Variants in LRRN3 observed in about 807,000 individuals in gnomAD.
LRRN3 encodes leucine-rich repeat neuronal protein 3.
In LRRN3, 15 loss-of-function variants were observed where a neutral mutation model predicts 40.1. That is an observed-to-expected ratio of 0.37 (90% CI 0.25 to 0.58). The LOEUF (loss-of-function observed/expected upper bound fraction) is 0.58. Ranked by LOEUF, LRRN3 falls within the 20% of genes least tolerant of loss-of-function variation. The pLI is 0.72. For missense variants in LRRN3, 746 were observed against 837.7 expected (o/e 0.89, Z 1.35); for synonymous variants, 308 against 297.2 (o/e 1.04, Z -0.37).
rs1373392070 is a variant in LRRN3, at chr7:111,124,629, A to T, written c.1857A>T (p.Lys619Asn). ...CCAAAGGTTTGCACCCTGATCAAAA[A>T]GAGTATGAAAAGAATAATACCACAA... ...VTTKGLHPDQKEYEKNNTTTL... is the reference protein window; with the variant it reads ...VTTKGLHPDQNEYEKNNTTTL... The change falls in exon 3 of 3, where the codon AAA becomes AAT. Residue 619 changes from lysine (K) to asparagine (N), a missense_variant. Coordinates refer to ENST00000308478, the MANE Select transcript of LRRN3 (RefSeq NM_001099658.2). 3 of 1,613,926 alleles carry T rather than the reference A, an allele frequency of 1.9e-6. No individual in the cohort carries two copies. Among genetic ancestry groups the T allele is most frequent in the Non-Finnish European group, 2.5e-6 (3 of 1,180,016 alleles).
intron 1 of LRRN3, among the ~76,000 whole-genome samples, chr7:111,095,676 C>A (rs1338418375): frequency 6.6e-6 from 1 of 151,988 alleles, no homozygotes; most frequent in East Asian, 1.9e-4. Flanking sequence ...TACAGAGACT[C>A]AGCTATTGAT....
At chr7:111,098,076 A>T (rs1206337781) in intron 1 of LRRN3, among the ~76,000 whole-genome samples, 1 of 151,850 alleles carries the variant, frequency 6.6e-6, no homozygotes, top group Admixed American at 6.6e-5. Context: ...AAAGATAAAC[A>T]TACTCTAAGA....
rs1801111405 is a variant in LRRN3 at position 111,124,869 on chromosome 7, T to C, written c.2097T>C (p.Thr699=). The change falls in exon 3 of 3, where the codon ACT becomes ACC. Residue 699 remains threonine, a synonymous_variant. Coordinates refer to ENST00000308478, the MANE Select transcript of LRRN3 (RefSeq NM_001099658.2). The stretch of plus-strand genomic sequence containing the variant: ...GTACATCACTGAAAGTAAAAGCAAC[T>C]GTTATAGGTTTACCAACAAATATGT... The part of the protein sequence containing the change: ...EKSTSLKVKA[T]VIGLPTNMS 6.2e-7 allele frequency: 1 copy of C among 1,602,922 alleles called. No homozygotes were observed. The highest frequency in any genetic ancestry group is 1.4e-5 in the African/African-American group (1 of 73,858).
At chr7:111,092,221 T>C (rs974562170) in intron 1 of LRRN3, among the ~76,000 whole-genome samples, 4 of 152,190 alleles carry the variant, frequency 2.6e-5, no homozygotes, top group African/African-American at 9.7e-5. Flanking sequence ...CTAATGCAGC[T>C]GGAACTGCCA....
At chr7:111,117,564 T>G (rs530315683) in intron 2 of LRRN3, among the ~76,000 whole-genome samples, 2 of 152,192 alleles carry the variant, frequency 1.3e-5, no homozygotes, top group Non-Finnish European at 2.9e-5. Context: ...ATAATTTGTT[T>G]TGAAAAACTG....
At chr7:111,121,314 C>T (rs1013069570) in intron 2 of LRRN3, among the ~76,000 whole-genome samples, 4 of 152,136 alleles carry the variant, frequency 2.6e-5, no homozygotes, top group African/African-American at 9.6e-5. Flanking sequence ...GTTGCCTGTT[C>T]GCTCTGATGG....
chr7:111,096,935 T>C (rs537575576), intron 1 of LRRN3: 1 of 152,024 alleles, frequency 6.6e-6, no homozygotes, highest in Admixed American at 6.6e-5. Context: ...CTAGGGGAGA[T>C]TGTGTCTGTC....
At position 111,123,372 on chromosome 7, in the gene LRRN3, T is replaced by C. The variant is rs750645851; in HGVS notation, c.600T>C (p.Ile200=). The change falls in exon 3 of 3, where the codon ATT becomes ATC. Residue 200 remains isoleucine (I), a synonymous_variant. Transcript: ENST00000308478. The surrounding 1 kb of genome is among the most constrained non-coding windows in gnomAD (Gnocchi z 6.4). ...LEILMIGENP[I]IRIKDMNFKP... ...TTCTGATGATTGGGGAAAATCCAAT[T>C]ATCAGAATCAAAGACATGAACTTTA... The C allele has an allele frequency of 1.1e-5, 18 of 1,613,702 alleles. No individual in the cohort carries two copies. Among genetic ancestry groups the C allele is most frequent in the Middle Eastern group, 1.7e-4 (1 of 6,054 alleles).
chr7:111,105,134 A>G (rs1174071853), intron 2 of LRRN3, among the ~76,000 whole-genome samples: 1 of 151,840 alleles, frequency 6.6e-6, no homozygotes, highest in African/African-American at 2.4e-5. Context: ...TAGACTGTAA[A>G]TATGTGTTTT....
intron 2 of LRRN3, among the ~76,000 whole-genome samples, chr7:111,119,471 T>C (rs181918414): frequency 6.6e-6 from 1 of 152,314 alleles, no homozygotes; most frequent in Non-Finnish European, 1.5e-5. Flanking sequence ...ACTGGATAAA[T>C]TGAAGAATAA....
chr7:111,104,089 A>G (rs966083974), intron 2 of LRRN3, among the ~76,000 whole-genome samples: 3 of 151,712 alleles, frequency 2.0e-5, no homozygotes, highest in African/African-American at 7.2e-5. Flanking sequence ...ACAACTCTTC[A>G]TATCTCTGAG....
chr7:111,100,567 T>G (rs1289837083), intron 2 of LRRN3, among the ~76,000 whole-genome samples: 1 of 150,550 alleles, frequency 6.6e-6, no homozygotes, highest in Non-Finnish European at 1.5e-5. Flanking sequence ...AATATAATGA[T>G]AATGAACACT....
At chr7:111,102,364 G>T (rs1445616959) in intron 2 of LRRN3, among the ~76,000 whole-genome samples, 1 of 151,436 alleles carries the variant, frequency 6.6e-6, no homozygotes, top group Non-Finnish European at 1.5e-5. Flanking sequence ...TGCCTTATCT[G>T]TGAAGGGCCC....
chr7:111,102,083 T>TAA (rs879353268), intron 2 of LRRN3, among the ~76,000 whole-genome samples: 1 of 145,302 alleles, frequency 6.9e-6, no homozygotes, highest in African/African-American at 2.5e-5. Flanking sequence ...TCAATTTCTT[T>TAA]AAAAAAAAAA....
chr7:111,112,193 C>G (rs973813941), intron 2 of LRRN3, among the ~76,000 whole-genome samples: 1 of 151,894 alleles, frequency 6.6e-6, no homozygotes, highest in Non-Finnish European at 1.5e-5. Context: ...GAACTCCTGA[C>G]CTCAGGTATA....
At chr7:111,097,958 T>TA (rs1378729660) in intron 1 of LRRN3, among the ~76,000 whole-genome samples, 1 of 151,686 alleles carries the variant, frequency 6.6e-6, no homozygotes, top group African/African-American at 2.4e-5. Context: ...ACAAAAAAGA[T>TA]AGAGCAAGCG....
In LRRN3 at chr7:111,122,704, T is replaced by C; in HGVS notation, c.-69T>C. On this transcript the variant is annotated 5_prime_UTR_variant, in exon 3 of 3. Transcript: ENST00000308478. ...AGCATCTTCCTTATCAATCAGCTCC[T>C]ATTGAACTTACTAGCACTGACTGTG... The C allele has an allele frequency of 8.4e-7, 1 of 1,194,622 alleles. No homozygotes were observed. Among genetic ancestry groups the C allele is most frequent in the African/African-American group, 1.5e-5 (1 of 65,492 alleles). The allele number at this position is 1,194,622 out of a possible 1,614,324, so 74.0% of individuals were successfully genotyped here. A position where few individuals can be genotyped will look rare whatever the true frequency, so the allele number is the denominator to read the frequency against.
At chr7:111,116,872 C>T (rs1243048630) in intron 2 of LRRN3, among the ~76,000 whole-genome samples, 2 of 152,062 alleles carry the variant, frequency 1.3e-5, no homozygotes, top group East Asian at 3.9e-4. Context: ...TAAAAATAAA[C>T]ATTTGAGAGA....
intron 1 of LRRN3, among the ~76,000 whole-genome samples, chr7:111,092,091 G>A (rs753512231): frequency 3.9e-5 from 6 of 152,178 alleles, no homozygotes; most frequent in Non-Finnish European, 7.4e-5. Context: ...GTAGCAGAAT[G>A]AGCATATCAC....
Sources: gnomAD v4.1 joint callset for allele counts (sites outside exome capture counted in the v4.1 genomes callset) on GRCh38, gnomAD v4.1.1 for gene constraint, Gnocchi (gnomAD v3.1) non-coding constraint, MANE v1.5 for transcripts, NCBI Gene and HGNC (gene_info 2026-07-23, HGNC 2026-07-21) for gene names.